The following KIAA1328 variants were observed in gnomAD, a reference collection of about 807,000 sequenced individuals.
The protein encoded by KIAA1328 is protein hinderin.
KIAA1328 carries 52 observed loss-of-function variants against 68.1 expected under a neutral mutation model. That is an observed-to-expected ratio of 0.76 (90% CI 0.61 to 0.96). The LOEUF is 0.96. Ranked by LOEUF, KIAA1328 falls within the 40% of genes least tolerant of loss-of-function variation. The probability of loss-of-function intolerance (pLI) is 0.00; values close to 1 mark genes in which losing one functional copy is unlikely to be tolerated. For synonymous variants in KIAA1328, 232 were observed against 239.4 expected (o/e 0.97, Z 0.28); for missense variants, 641 against 677.6 (o/e 0.95, Z 0.60).
chr18:36,862,856 G>A (rs1440150340), intron 4 of KIAA1328, among the ~76,000 whole-genome samples: 2 of 152,016 alleles, frequency 1.3e-5, no homozygotes, highest in Non-Finnish European at 2.9e-5. Context: ...AGTCATTCTG[G>A]TAGGTGCTTA....
chr18:37,098,320 T>G (rs1411908197), intron 7 of KIAA1328, among the ~76,000 whole-genome samples: 2 of 152,252 alleles, frequency 1.3e-5, no homozygotes, highest in Non-Finnish European at 2.9e-5. Flanking sequence ...TTTCGGCATC[T>G]TTTGAGATAA....
At chr18:36,960,921 G>A (rs776303351) in intron 6 of KIAA1328, among the ~76,000 whole-genome samples, 7 of 152,152 alleles carry the variant, frequency 4.6e-5, no homozygotes, top group African/African-American at 7.2e-5. Context: ...CCAAAGGATC[G>A]CAACTCCTCG....
chr18:36,886,292 C>T (rs1468882276), intron 5 of KIAA1328: 1 of 152,152 alleles, frequency 6.6e-6, no homozygotes, highest in Non-Finnish European at 1.5e-5. Context: ...TGTTGCACTG[C>T]TGTAATTGAG....
chr18:37,126,362 T>G (rs1468682685), intron 7 of KIAA1328, among the ~76,000 whole-genome samples: 1 of 152,056 alleles, frequency 6.6e-6, no homozygotes, highest in Non-Finnish European at 1.5e-5. Context: ...AATAGAAAAT[T>G]TTCTTGAAAG....
chr18:37,144,063 G>C (rs2058841416), intron 7 of KIAA1328, among the ~76,000 whole-genome samples: 1 of 152,004 alleles, frequency 6.6e-6, no homozygotes, highest in African/African-American at 2.4e-5. Flanking sequence ...TTCTTTGTGG[G>C]AACATCTTTG....
chr18:36,901,755 A>G (rs1262195755), intron 5 of KIAA1328, among the ~76,000 whole-genome samples: 1 of 152,026 alleles, frequency 6.6e-6, no homozygotes, highest in East Asian at 1.9e-4. Flanking sequence ...TCCTGCCCCA[A>G]ATTACTTGCT....
rs1020850974 is a variant in KIAA1328, at chr18:37,094,907, C to T, written c.1232+27362C>T. Among the ~76,000 whole-genome samples, 116 of 150,944 alleles carry T rather than the reference C, an allele frequency of 7.7e-4. 9 individuals carry two copies. Among genetic ancestry groups the T allele is most frequent in the Non-Finnish European group, 3.0e-5 (2 of 67,790 alleles). ...ATTTCATTTAAATGCAAACCAAAAG[C>T]ATACAGAGGCAGTTATAGTTATATT... On this transcript the variant is annotated intron_variant, in intron 7 of 9. Transcript: ENST00000280020.
chr18:37,176,806 G>C (rs1224569826), intron 9 of KIAA1328, among the ~76,000 whole-genome samples: 1 of 152,164 alleles, frequency 6.6e-6, no homozygotes, highest in Non-Finnish European at 1.5e-5. Context: ...AGCCAGAGCT[G>C]GGCAAGTTAC....
intron 5 of KIAA1328, chr18:36,902,060 G>T (rs2151034271): frequency 6.6e-6 from 1 of 151,938 alleles, no homozygotes; most frequent in Admixed American, 6.6e-5. Flanking sequence ...GAACTATCAT[G>T]TTGGAAACAT....
chr18:37,151,096 C>A (rs529869749), intron 7 of KIAA1328, among the ~76,000 whole-genome samples: 2 of 152,198 alleles, frequency 1.3e-5, no homozygotes, highest in South Asian at 2.1e-4. Context: ...AACACAATCA[C>A]AGAATGCAAA....
intron 4 of KIAA1328, among the ~76,000 whole-genome samples, chr18:36,858,557 T>G (rs1279679165): frequency 6.6e-6 from 1 of 152,190 alleles, no homozygotes; most frequent in Admixed American, 6.5e-5. Flanking sequence ...GTTTTCCTGG[T>G]TTTTAACCCT....
intron 6 of KIAA1328, among the ~76,000 whole-genome samples, chr18:37,016,695 GA>G (rs2054164556): frequency 6.6e-6 from 1 of 152,022 alleles, no homozygotes; most frequent in African/African-American, 2.4e-5. Flanking sequence ...TCAATTTTGG[GA>G]GATTGTGTGT....
chr18:36,904,330 T>G (rs541893509), intron 5 of KIAA1328, among the ~76,000 whole-genome samples: 1 of 152,252 alleles, frequency 6.6e-6, no homozygotes, highest in South Asian at 2.1e-4. Context: ...GGGGTATTAA[T>G]ATCTCTGAGT....
rs534949592 is a variant in KIAA1328 at position 37,129,998 on chromosome 18, T to C, written c.1233-30202T>C. ...TACTGAAGTATGTCTTGTTAACTAA[T>C]AGAATTTAAATGATATAATTAGTAA... On this transcript the variant is annotated intron_variant, in intron 7 of 9. Transcript: ENST00000280020. Among the ~76,000 whole-genome samples the C allele has an allele frequency of 5.0e-4, 76 of 152,232 alleles. 1 individual carries two copies. The highest frequency in any genetic ancestry group is 3.4e-4 in the Non-Finnish European group (23 of 68,002).
At chr18:37,050,231 G>GA (rs796605174) in intron 6 of KIAA1328, among the ~76,000 whole-genome samples, 9 of 149,444 alleles carry the variant, frequency 6.0e-5, no homozygotes, top group Non-Finnish European at 1.3e-4. Flanking sequence ...ACCAAAAAAA[G>GA]AAAAAAAAGG....
intron 5 of KIAA1328, among the ~76,000 whole-genome samples, chr18:36,926,383 C>CTCTT (rs1264506173): frequency 6.8e-6 from 1 of 147,024 alleles, no homozygotes; most frequent in African/African-American, 2.5e-5. Flanking sequence ...CTCTCTCTCT[C>CTCTT]TATTTATTTA....
chr18:37,204,433 A>G (rs2060177334), intron 9 of KIAA1328, among the ~76,000 whole-genome samples: 1 of 152,212 alleles, frequency 6.6e-6, no homozygotes, highest in African/African-American at 2.4e-5. Flanking sequence ...ACAATATACA[A>G]ACAGACATGT....
chr18:36,953,610 C>CT (rs1042927246), intron 5 of KIAA1328, among the ~76,000 whole-genome samples: 5 of 151,992 alleles, frequency 3.3e-5, no homozygotes, highest in African/African-American at 1.2e-4. Context: ...TGGACTTGTG[C>CT]TTAGTAATCT....
At chr18:37,109,832 A>G (rs2151898596) in intron 7 of KIAA1328, among the ~76,000 whole-genome samples, 1 of 152,240 alleles carries the variant, frequency 6.6e-6, no homozygotes, top group Admixed American at 6.5e-5. Flanking sequence ...GAGAGTTGGA[A>G]GTTTCATTGC....
Sources: gnomAD v4.1 joint callset for allele counts (sites outside exome capture counted in the v4.1 genomes callset) on GRCh38, gnomAD v4.1.1 for gene constraint, MANE v1.5 for transcripts, NCBI Gene and HGNC (gene_info 2026-07-23, HGNC 2026-07-21) for gene names.